HERPUD1: variants seen among roughly 807,000 people sequenced by gnomAD.
HERPUD1 encodes the protein homocysteine-responsive endoplasmic reticulum-resident ubiquitin-like domain member 1 protein.
In HERPUD1, 17 loss-of-function variants were observed where a neutral mutation model predicts 45.0. That is an observed-to-expected ratio of 0.38 (90% CI 0.26 to 0.57). The LOEUF (loss-of-function observed/expected upper bound fraction) is 0.57. HERPUD1 is among the 20% of genes least tolerant of loss of function. The pLI is 0.72. For synonymous variants in HERPUD1, 164 were observed against 177.5 expected, an observed-to-expected ratio of 0.92 and a Z score of 0.61; for missense variants, 420 against 490.5, an observed-to-expected ratio of 0.86 and a Z score of 1.36.
chr16:56,934,213 G>T (rs1346328847), intron 1 of HERPUD1, among the ~76,000 whole-genome samples: 4 of 152,112 alleles, frequency 2.6e-5, no homozygotes, highest in Non-Finnish European at 4.4e-5. Context: ...ATTATTTGAG[G>T]CCATTATTTT....
At chr16:56,942,344 A>C in intron 7 of HERPUD1, 107 bp downstream of exon 7, 1 of 676,274 alleles carries the variant, frequency 1.5e-6, no homozygotes, top group East Asian at 2.7e-5. Context: ...TATTGGGCTA[A>C]ATATTTCATG....
At position 56,944,470 on chromosome 16, in the gene HERPUD1, T is replaced by C. The variant is rs2144830452; in HGVS notation, c.*1180T>C. The stretch of plus-strand genomic sequence containing the variant: ...TTTTTTTGTTTTTTTTGGTGGTGTT[T>C]TTGTTTTTGTTTTGAGATGGAGTCT... On this transcript the variant is annotated 3_prime_UTR_variant, in exon 8 of 8. Coordinates refer to ENST00000439977, the MANE Select transcript of HERPUD1 (RefSeq NM_014685.4). 1 of 152,152 alleles carries C rather than the reference T, an allele frequency of 6.6e-6. No individual in the cohort carries two copies. The highest frequency in any genetic ancestry group is 1.9e-4 in the East Asian group (1 of 5,200). The allele number at this position is 152,152 out of a possible 1,614,324, so 9.4% of individuals were successfully genotyped here.
In HERPUD1 at chr16:56,939,412, G is replaced by A. The variant is rs375375992; in HGVS notation, c.554+53G>A. 42 of 1,609,412 alleles carry A rather than the reference G, an allele frequency of 2.6e-5. No individual in the cohort carries two copies. In the East Asian group the frequency reaches 4.0e-4, roughly 15 times the overall value. On this transcript the variant is annotated intron_variant, in intron 5 of 7. Transcript: ENST00000439977. ...GGCCAGGGCTCCCGGGAATTGAAGG[G>A]AATTTTATCCATGTTACCTGTAAAG...
intron 1 of HERPUD1, chr16:56,933,268 T>TA (rs1177041105): frequency 6.6e-6 from 3 of 455,970 alleles, no homozygotes; most frequent in Admixed American, 4.7e-5. Flanking sequence ...CAGCTTGTGG[T>TA]AGCGCCTGTG....
rs1254980106 is a variant in HERPUD1, at chr16:56,944,445, T to C, written c.*1155T>C. 6.6e-6 allele frequency: 1 copy of C among 152,042 alleles called. No individual in the cohort carries two copies. Among genetic ancestry groups the C allele is most frequent in the African/African-American group, 2.4e-5 (1 of 41,344 alleles). 9.4% of individuals were successfully genotyped at this position (152,042 alleles called of 1,614,324 possible). ...TAAGTACTACTGTGGTAACTAATCA[T>C]TTTTTTGTTTTTTTTGGTGGTGTTT... On this transcript the variant is annotated 3_prime_UTR_variant, in exon 8 of 8. Transcript: ENST00000439977.
At chr16:56,935,502 C>G in intron 3 of HERPUD1, 27 bp downstream of exon 3, 9 of 1,576,676 alleles carry the variant, frequency 5.7e-6, no homozygotes, top group Non-Finnish European at 7.9e-6. Flanking sequence ...ATGATGGTAA[C>G]AATTTGTATC....
Position 56,943,280 on chromosome 16 carries a change from T to C in HERPUD1, c.1166T>C (p.Ile389Thr), listed in dbSNP as rs768420580. The C allele has an allele frequency of 6.2e-7, 1 of 1,614,096 alleles. No homozygotes were observed. Among genetic ancestry groups the C allele is most frequent in the Non-Finnish European group, 8.5e-7 (1 of 1,180,032 alleles). ...ASLLPEGPPA[I>T]AN ...CTTCTTCCAGAAGGCCCCCCAGCCATCGCAAACTGATGGTGTTTGTGCTGT... is the reference window on the plus strand; with the variant it reads ...CTTCTTCCAGAAGGCCCCCCAGCCACCGCAAACTGATGGTGTTTGTGCTGT... The change falls in exon 8 of 8, where the codon ATC becomes ACC. Residue 389 changes from isoleucine to threonine, a missense_variant. Transcript: ENST00000439977.
chr16:56,937,035 A>G lies in HERPUD1; in HGVS notation c.431+218A>G, dbSNP rs1387182690. 4 of 353,722 alleles carry G rather than the reference A, an allele frequency of 1.1e-5. No homozygotes were observed. The East Asian group carries it at 1.5e-4, about 13-fold the overall frequency. The allele number at this position is 353,722 out of a possible 1,614,324, so 21.9% of individuals were successfully genotyped here. On this transcript the variant is annotated intron_variant, in intron 4 of 7. Coordinates refer to ENST00000439977, the MANE Select transcript of HERPUD1 (RefSeq NM_014685.4). ...CAAATTTAAAAAGTAGGTAATGCAT[A>G]TATTGAAAAAAAAAAGAAAATGTAG...
chr16:56,934,799 C>T (rs1317004405), intron 1 of HERPUD1, among the ~76,000 whole-genome samples: 1 of 146,570 alleles, frequency 6.8e-6, no homozygotes, highest in Non-Finnish European at 1.5e-5. Flanking sequence ...GCAACCTCTG[C>T]CTCCCTGGTT....
chr16:56,932,545 C>T (rs1318223427), intron 1 of HERPUD1, among the ~76,000 whole-genome samples, 154 bp downstream of exon 1: 2 of 152,234 alleles, frequency 1.3e-5, no homozygotes, highest in Non-Finnish European at 2.9e-5. Context: ...CTCCCCTTCC[C>T]TGCCCCGCCG....
chr16:56,939,592 A>G (rs2055893647), intron 5 of HERPUD1, among the ~76,000 whole-genome samples: 2 of 152,176 alleles, frequency 1.3e-5, no homozygotes, highest in South Asian at 4.1e-4. Flanking sequence ...TATTTAGAAC[A>G]TGTTACTTTC....
intron 3 of HERPUD1, 84 bp downstream of exon 3, chr16:56,935,559 A>G: frequency 8.9e-7 from 1 of 1,117,930 alleles, no homozygotes; most frequent in Admixed American, 1.7e-5. Context: ...TAAAACGTTT[A>G]TTGAGAGACT....
At position 56,944,096 on chromosome 16, in the gene HERPUD1, T is replaced by TAC. The variant is rs2055933133; in HGVS notation, c.*807_*808dup. On this transcript the variant is annotated 3_prime_UTR_variant, in exon 8 of 8. Transcript: ENST00000439977. ...GTTCCTTGGGCCAGAGTACATTGGC[T>TAC]ACTCACAAGTGGGCTGGTAGCTGGC... The TAC allele has an allele frequency of 1.3e-5, 2 of 153,918 alleles. No homozygotes were observed. The highest frequency in any genetic ancestry group is 2.9e-5 in the Non-Finnish European group (2 of 69,052). 9.5% of individuals were successfully genotyped at this position (153,918 alleles called of 1,614,324 possible). A position where few individuals can be genotyped will look rare whatever the true frequency, so the allele number is the denominator to read the frequency against.
chr16:56,939,772 A>C (rs1596981418), intron 5 of HERPUD1, 123 bp from the exon 6 acceptor site: 3 of 721,286 alleles, frequency 4.2e-6, no homozygotes, highest in East Asian at 2.6e-5. Context: ...TAAATTGAAG[A>C]AAAATCAAAG....
intron 4 of HERPUD1, chr16:56,937,532 G>T (rs2055875881): frequency 6.6e-6 from 1 of 151,744 alleles, no homozygotes; most frequent in Non-Finnish European, 1.5e-5. Context: ...CAACAGTGGG[G>T]ACTGGATAAT....
chr16:56,939,530 A>G (rs1596981242), intron 5 of HERPUD1, among the ~76,000 whole-genome samples, 171 bp downstream of exon 5: 1 of 152,320 alleles, frequency 6.6e-6, no homozygotes, highest in East Asian at 1.9e-4. Context: ...CTGCTACCTG[A>G]TTTGTGTATT....
intron 1 of HERPUD1, among the ~76,000 whole-genome samples, chr16:56,934,047 T>C (rs1468125925): frequency 6.6e-6 from 1 of 152,258 alleles, no homozygotes; most frequent in Non-Finnish European, 1.5e-5. Flanking sequence ...GATAAGTAGA[T>C]GCACTTTTTG....
At chr16:56,939,781 A>G in intron 5 of HERPUD1, 114 bp from the exon 6 acceptor site, 1 of 749,810 alleles carries the variant, frequency 1.3e-6, no homozygotes, top group Non-Finnish European at 2.2e-6. Context: ...GAAAAATCAA[A>G]GGCATATCTA....
chr16:56,943,048 C>T, intron 7 of HERPUD1, 78 bp from the exon 8 acceptor site: 1 of 1,464,420 alleles, frequency 6.8e-7, no homozygotes, highest in Non-Finnish European at 9.5e-7. Flanking sequence ...CCTGCCCTTT[C>T]CTAACATTAT....
Sources: allele counts gnomAD v4.1 joint callset (sites outside exome capture counted in the v4.1 genomes callset), GRCh38; gene constraint gnomAD v4.1.1; transcripts MANE v1.5; gene names NCBI Gene and HGNC (gene_info 2026-07-23, HGNC 2026-07-21).